Variants in RASSF4 observed in about 807,000 individuals in gnomAD.
The protein encoded by RASSF4 is Ras association domain family member 4, also known as ras association domain-containing protein 4.
In RASSF4, 38 loss-of-function variants were observed where a neutral mutation model predicts 41.1. The observed-to-expected ratio is 0.92, with a 90% CI of 0.71 to 1.21. RASSF4 has a LOEUF of 1.21. Ranked by LOEUF, RASSF4 falls within the 50% of genes most tolerant of loss-of-function variation. The probability of loss-of-function intolerance (pLI) is 0.00; values close to 1 mark genes in which losing one functional copy is unlikely to be tolerated. For synonymous variants in RASSF4, 179 were observed against 163.4 expected (o/e 1.10, Z -0.73); for missense variants, 414 against 419.4 (o/e 0.99, Z 0.11).
At position 44,990,073 on chromosome 10, in the gene RASSF4, G is replaced by A. The variant is rs575087535; in HGVS notation, c.685+352G>A. Among the ~76,000 whole-genome samples the A allele has an allele frequency of 4.1e-4, 62 of 152,326 alleles. No homozygotes were observed. In the Middle Eastern group the frequency reaches 0.01, roughly 25 times the overall value. On this transcript the variant is annotated intron_variant, in intron 8 of 10. Coordinates refer to ENST00000340258, the MANE Select transcript of RASSF4 (RefSeq NM_032023.4). ...GAAGCCTCCCTCTCCGCCTCTTCCAGAGAAATGGATGGGTGGGTACCTAGC... is the reference window on the plus strand; with the variant it reads ...GAAGCCTCCCTCTCCGCCTCTTCCAAAGAAATGGATGGGTGGGTACCTAGC...
At position 44,970,202 on chromosome 10, in the gene RASSF4, G is replaced by A; in HGVS notation, c.-1G>A. On this transcript the variant is annotated 5_prime_UTR_variant, in exon 2 of 11. Coordinates refer to ENST00000340258, the MANE Select transcript of RASSF4 (RefSeq NM_032023.4). ...AGGTCTGCAGACAAGAGGAAGAGAAGATGAAGGAAGACTGTCTGCCGAGTT... is the reference window on the plus strand; with the variant it reads ...AGGTCTGCAGACAAGAGGAAGAGAAAATGAAGGAAGACTGTCTGCCGAGTT... 1 of 1,613,512 alleles carries A rather than the reference G, an allele frequency of 6.2e-7. No homozygotes were observed. The highest frequency in any genetic ancestry group is 8.5e-7 in the Non-Finnish European group (1 of 1,179,386).
chr10:44,977,490 C>G (rs763856475), intron 3 of RASSF4: 1 of 1,613,018 alleles, frequency 6.2e-7, no homozygotes, highest in African/African-American at 1.3e-5. Flanking sequence ...GCAGACTGCC[C>G]AAAAGTCCAG....
chr10:44,968,713 C>T (rs547856721), intron 1 of RASSF4, among the ~76,000 whole-genome samples: 25 of 152,272 alleles, frequency 1.6e-4, no homozygotes, highest in African/African-American at 5.8e-4. Context: ...TTAATAAATA[C>T]GACAGCAGGT....
chr10:44,994,222 T>C lies in RASSF4; in HGVS notation c.*893T>C, dbSNP rs1588855944. On this transcript the variant is annotated 3_prime_UTR_variant, in exon 11 of 11. Coordinates refer to ENST00000340258, the MANE Select transcript of RASSF4 (RefSeq NM_032023.4). ...AATACTTCCCCTGAAGGAAGAATGA[T>C]AAGGAGAAATGTCTGTTTTGAGGAA... 6.6e-6 allele frequency: 1 copy of C among 152,438 alleles called. No homozygotes were observed. 9.4% of individuals were successfully genotyped at this position (152,438 alleles called of 1,614,324 possible). A position where few individuals can be genotyped will look rare whatever the true frequency, so the allele number is the denominator to read the frequency against.
chr10:44,982,232 A>T, intron 3 of RASSF4: 1 of 460,730 alleles, frequency 2.2e-6, no homozygotes, highest in South Asian at 2.6e-5. Context: ...CGCGGTGTGG[A>T]CGTGCCTGCC....
intron 1 of RASSF4, among the ~76,000 whole-genome samples, chr10:44,963,031 C>T (rs1218495069): frequency 3.3e-5 from 5 of 152,134 alleles, no homozygotes; most frequent in Non-Finnish European, 5.9e-5. Flanking sequence ...GAGGCCAGAA[C>T]CGCAGCGGGG....
intron 10 of RASSF4, among the ~76,000 whole-genome samples, chr10:44,992,939 G>T (rs1842172056): frequency 6.6e-6 from 1 of 152,206 alleles, no homozygotes; most frequent in African/African-American, 2.4e-5. Flanking sequence ...GCACAAGGAA[G>T]GTTGCCGCAT....
intron 3 of RASSF4, among the ~76,000 whole-genome samples, chr10:44,980,188 G>T (rs1469892758): frequency 6.6e-6 from 1 of 152,188 alleles, no homozygotes; most frequent in Non-Finnish European, 1.5e-5. Flanking sequence ...TTGAATTCTA[G>T]GTGGGAACTC....
intron 3 of RASSF4, among the ~76,000 whole-genome samples, chr10:44,975,331 C>T (rs988726722): frequency 2.0e-5 from 3 of 151,964 alleles, no homozygotes; most frequent in Non-Finnish European, 4.4e-5. Flanking sequence ...GCCAGCCCCA[C>T]GAACATCTGT....
At chr10:44,991,303 G>A (rs1443794123) in intron 9 of RASSF4, 9 of 408,614 alleles carry the variant, frequency 2.2e-5, no homozygotes, top group African/African-American at 1.8e-4. Flanking sequence ...TAAAACCATG[G>A]CCTGTCCTTT....
Position 44,991,050 on chromosome 10 carries a change from G to T in RASSF4, c.788G>T (p.Gly263Val), listed in dbSNP as rs765789963. The change falls in exon 9 of 11, where the codon GGC (glycine) becomes GTC (valine). Residue 263 changes from glycine to valine, a missense_variant. Physicochemically the swap from Gly to Val is moderately radical, Grantham distance 109 (BLOSUM62 -3). Transcript: ENST00000340258. Reference sequence around the variant, plus strand: ...ATCTTCCTGATGGAAGCTGACTTGGGCGTGGAAGTCCCCCATGAAGTGAGT... The same window carrying T: ...ATCTTCCTGATGGAAGCTGACTTGGTCGTGGAAGTCCCCCATGAAGTGAGT... ...ARIFLMEADL[G>V]VEVPHEVAQY... The T allele has an allele frequency of 5.0e-6, 8 of 1,613,464 alleles. No homozygotes were observed. The East Asian group carries it at 1.6e-4, about 31-fold the overall frequency.
At chr10:44,991,092 G>T in intron 9 of RASSF4, 23 bp downstream of exon 9, 1 of 1,605,998 alleles carries the variant, frequency 6.2e-7, no homozygotes. Flanking sequence ...CAAGGCTGGG[G>T]AGGCCTGCTC....
In RASSF4 at chr10:44,991,080, G is replaced by A; in HGVS notation, c.807+11G>A. On this transcript the variant is annotated intron_variant, in intron 9 of 10. Coordinates refer to ENST00000340258, the MANE Select transcript of RASSF4 (RefSeq NM_032023.4). Reference sequence around the variant, plus strand: ...GAAGTCCCCCATGAAGTGAGTGGGGGCCAAGGCTGGGGAGGCCTGCTCTAG... The same window carrying A: ...GAAGTCCCCCATGAAGTGAGTGGGGACCAAGGCTGGGGAGGCCTGCTCTAG... The A allele has an allele frequency of 6.2e-7, 1 of 1,609,056 alleles. No individual in the cohort carries two copies. Among genetic ancestry groups the A allele is most frequent in the East Asian group, 2.2e-5 (1 of 44,714 alleles).
intron 1 of RASSF4, among the ~76,000 whole-genome samples, chr10:44,967,296 C>T (rs1840938597): frequency 6.6e-6 from 1 of 152,344 alleles, no homozygotes; most frequent in African/African-American, 2.4e-5. Context: ...CTTAAAGCTG[C>T]TGGCCTGGAA....
At chr10:44,969,877 T>C (rs1841073183) in intron 1 of RASSF4, among the ~76,000 whole-genome samples, 1 of 152,172 alleles carries the variant, frequency 6.6e-6, no homozygotes. Flanking sequence ...TGATCTAAAA[T>C]GCTTAGGAGA....
At chr10:44,966,590 A>T (rs1840911457) in intron 1 of RASSF4, among the ~76,000 whole-genome samples, 2 of 152,342 alleles carry the variant, frequency 1.3e-5, no homozygotes. Context: ...ATATCCAAGA[A>T]GATTCCTGGA....
intron 3 of RASSF4, among the ~76,000 whole-genome samples, chr10:44,980,180 G>C (rs1301862047): frequency 2.6e-5 from 4 of 152,206 alleles, no homozygotes; most frequent in Non-Finnish European, 4.4e-5. Context: ...CCAAGTTCTT[G>C]AATTCTAGGT....
At chr10:44,974,793 C>G (rs1195766931) in intron 3 of RASSF4, among the ~76,000 whole-genome samples, 1 of 152,244 alleles carries the variant, frequency 6.6e-6, no homozygotes, top group African/African-American at 2.4e-5. Flanking sequence ...GCCTTCTCCC[C>G]GCTTCCGAGG....
At chr10:44,977,056 T>C (rs949817976) in intron 3 of RASSF4, 20 of 203,954 alleles carry the variant, frequency 9.8e-5, no homozygotes, top group African/African-American at 4.6e-4. Context: ...TGGGCTCCTA[T>C]ATGCGGTTAC....
Sources: allele counts gnomAD v4.1 joint callset (sites outside exome capture counted in the v4.1 genomes callset), GRCh38; gene constraint gnomAD v4.1.1; transcripts MANE v1.5; gene names NCBI Gene and HGNC (gene_info 2026-07-23, HGNC 2026-07-21).